The following RPGRIP1 variants were observed in gnomAD, a reference collection of about 807,000 sequenced individuals.
RPGRIP1 encodes X-linked retinitis pigmentosa GTPase regulator-interacting protein 1.
Under a neutral mutation model 157.9 loss-of-function variants are expected in RPGRIP1, and 128 were observed. The observed-to-expected ratio is 0.81, with a 90% CI of 0.70 to 0.94. The LOEUF (loss-of-function observed/expected upper bound fraction) is 0.94, where lower values mean the gene tolerates loss of function less well. Among genes scored for constraint, RPGRIP1 ranks in the 40% least tolerant of loss-of-function variants. RPGRIP1 has a pLI of 0.00. For synonymous variants in RPGRIP1, 554 were observed against 571.6 expected (o/e 0.97, Z 0.44); for missense variants, 1,486 against 1,545.8 (o/e 0.96, Z 0.65).
chr14:21,311,301 C>T (rs1881531366), intron 8 of RPGRIP1, among the ~76,000 whole-genome samples: 1 of 152,202 alleles, frequency 6.6e-6, no homozygotes, highest in Admixed American at 6.5e-5. Flanking sequence ...CCTGTAATCC[C>T]AGCACTTGGG....
chr14:21,302,250 C>A (rs1021814749), intron 4 of RPGRIP1, among the ~76,000 whole-genome samples: 1 of 151,972 alleles, frequency 6.6e-6, no homozygotes, highest in Admixed American at 6.6e-5. Flanking sequence ...GACAAGCTTC[C>A]ACCTTTCTTT....
intron 5 of RPGRIP1, 148 bp downstream of exon 5, chr14:21,302,732 C>A: frequency 4.4e-6 from 2 of 452,210 alleles, no homozygotes; most frequent in Non-Finnish European, 7.9e-6. Flanking sequence ...ATTCCAACTT[C>A]ATTGCTTAAA....
intron 3 of RPGRIP1, among the ~76,000 whole-genome samples, chr14:21,295,931 A>T (rs1393872784): frequency 6.7e-6 from 1 of 149,898 alleles, no homozygotes; most frequent in Non-Finnish European, 1.5e-5. Flanking sequence ...CCACCACGTC[A>T]GAGTAATTTT....
intron 6 of RPGRIP1, among the ~76,000 whole-genome samples, chr14:21,303,777 A>C (rs1012723903): frequency 2.0e-5 from 3 of 150,436 alleles, no homozygotes; most frequent in African/African-American, 7.3e-5. Flanking sequence ...ACCTGAGGTC[A>C]GGAGTTCGAG....
intron 23 of RPGRIP1, among the ~76,000 whole-genome samples, chr14:21,346,041 C>T (rs1412176325): frequency 6.6e-6 from 1 of 151,798 alleles, no homozygotes; most frequent in African/African-American, 2.4e-5. Context: ...CTGATCCCAA[C>T]CCCAGGTGAT....
chr14:21,287,566 T>C (rs1370981217), intron 1 of RPGRIP1, among the ~76,000 whole-genome samples: 2 of 152,244 alleles, frequency 1.3e-5, no homozygotes, highest in Non-Finnish European at 2.9e-5. Context: ...GGGGACTGGA[T>C]TGTAGGCTAT....
In RPGRIP1 at chr14:21,328,596, G is replaced by A; in HGVS notation, c.3068G>A (p.Ser1023Asn). The change falls in exon 19 of 25, where the codon AGC becomes AAC. Residue 1023 changes from serine to asparagine, a missense_variant. Transcript: ENST00000400017. ...GGAAAGAATAGAATGGAGTATCTTA[G>A]CCTTAACATCTTAAATGGAAATACA... The part of the protein sequence containing the change: ...VQGKNRMEYL[S>N]LNILNGNTPE... The A allele has an allele frequency of 6.2e-7, 1 of 1,613,616 alleles. No individual in the cohort carries two copies. The highest frequency in any genetic ancestry group is 8.5e-7 in the Non-Finnish European group (1 of 1,179,608).
chr14:21,328,723 A>T, intron 19 of RPGRIP1, 96 bp downstream of exon 19: 1 of 908,140 alleles, frequency 1.1e-6, no homozygotes, highest in East Asian at 2.5e-5. Flanking sequence ...AAGCAGACAC[A>T]CAAGATAAGC....
intron 9 of RPGRIP1, 138 bp from the exon 10 acceptor site, chr14:21,312,295 T>G (rs1200396599): frequency 3.2e-5 from 20 of 633,696 alleles, no homozygotes; most frequent in Non-Finnish European, 5.2e-5. Flanking sequence ...CAAGTCTTTC[T>G]AGTTGGATGG....
At chr14:21,284,243 G>A (rs553851748) in intron 1 of RPGRIP1, among the ~76,000 whole-genome samples, 54 of 152,162 alleles carry the variant, frequency 3.5e-4, no homozygotes, top group Non-Finnish European at 6.0e-4. Context: ...TTCAAAATAA[G>A]CTTCTGAACA....
intron 24 of RPGRIP1, among the ~76,000 whole-genome samples, chr14:21,348,973 TAAAA>T (rs973846965): frequency 6.6e-6 from 1 of 151,922 alleles, no homozygotes; most frequent in Non-Finnish European, 1.5e-5. Context: ...TCTTGTCTCT[TAAAA>T]AGACATTAAC....
chr14:21,345,088 C>T (rs1594272579), intron 22 of RPGRIP1, 25 bp from the exon 23 acceptor site: 1 of 1,538,506 alleles, frequency 6.5e-7, no homozygotes, highest in Non-Finnish European at 9.0e-7. Context: ...TGATTCTTTG[C>T]TTTTTTCTCT....
intron 10 of RPGRIP1, among the ~76,000 whole-genome samples, chr14:21,315,757 C>G (rs1012474157): frequency 1.3e-5 from 2 of 151,678 alleles, no homozygotes; most frequent in East Asian, 3.9e-4. Flanking sequence ...CAGGCAATGC[C>G]AAGAAATGTT....
At chr14:21,290,371 T>TA in intron 2 of RPGRIP1, among the ~76,000 whole-genome samples, 1 of 152,212 alleles carries the variant, frequency 6.6e-6, no homozygotes, top group East Asian at 1.9e-4. Flanking sequence ...ATTGTATTTT[T>TA]AAAAAAATAT....
intron 8 of RPGRIP1, among the ~76,000 whole-genome samples, chr14:21,311,112 C>T (rs777915484): frequency 1.7e-4 from 26 of 152,224 alleles, no homozygotes; most frequent in Non-Finnish European, 2.6e-4. Context: ...CAGAAACACA[C>T]ACAGAACTTC....
At chr14:21,337,436 A>G (rs891035308) in intron 21 of RPGRIP1, among the ~76,000 whole-genome samples, 4 of 129,484 alleles carry the variant, frequency 3.1e-5, no homozygotes, top group African/African-American at 9.6e-5. Context: ...CTCAATGTTA[A>G]GCTTTTTTTT....
At chr14:21,287,909 G>GT (rs1880356030) in intron 1 of RPGRIP1, 30 bp from the exon 2 acceptor site, 2 of 1,031,864 alleles carry the variant, frequency 1.9e-6, no homozygotes, top group African/African-American at 3.2e-5. Flanking sequence ...AAAGTTGCAT[G>GT]TAACTGACTG....
intron 10 of RPGRIP1, 45 bp from the exon 11 acceptor site, chr14:21,317,651 A>G (rs762111370): frequency 2.6e-5 from 41 of 1,558,974 alleles, no homozygotes; most frequent in South Asian, 5.9e-5. Context: ...ACGTCATATC[A>G]CACCCCTTGG....
intron 23 of RPGRIP1, among the ~76,000 whole-genome samples, chr14:21,347,146 C>T (rs1885647087): frequency 6.6e-6 from 1 of 152,112 alleles, no homozygotes; most frequent in Non-Finnish European, 1.5e-5. Context: ...ATTTTAGATT[C>T]GATTGGTATT....
Sources: gnomAD v4.1 joint callset for allele counts (sites outside exome capture counted in the v4.1 genomes callset) on GRCh38, gnomAD v4.1.1 for gene constraint, MANE v1.5 for transcripts, NCBI Gene and HGNC (gene_info 2026-07-23, HGNC 2026-07-21) for gene names.